The following FHOD3 variants were observed in gnomAD, a reference collection of about 807,000 sequenced individuals.
The protein encoded by FHOD3 is FH1/FH2 domain-containing protein 3.
A neutral mutation model predicts 173.0 loss-of-function variants in FHOD3; 90 were observed. The ratio of observed to expected loss-of-function variants is 0.52; its 90% CI spans 0.44 to 0.62. The LOEUF (loss-of-function observed/expected upper bound fraction) is 0.62, where lower values mean the gene tolerates loss of function less well. Ranked by LOEUF, FHOD3 falls within the 20% of genes least tolerant of loss-of-function variation. The pLI, the probability that FHOD3 is intolerant of heterozygous loss-of-function variation, is 0.00. For missense variants in FHOD3, 1,945 were observed against 2,034.7 expected (o/e 0.96, Z 0.85); for synonymous variants, 828 against 823.0 (o/e 1.01, Z -0.10).
intron 3 of FHOD3, among the ~76,000 whole-genome samples, chr18:36,457,431 G>A (rs897146288): frequency 6.6e-6 from 1 of 152,084 alleles, no homozygotes; most frequent in Non-Finnish European, 1.5e-5. Flanking sequence ...ATGGTACCAA[G>A]CTCTGTAGCA....
At chr18:36,677,634 G>A (rs1270893671) in intron 14 of FHOD3, among the ~76,000 whole-genome samples, 1 of 152,176 alleles carries the variant, frequency 6.6e-6, no homozygotes, top group Non-Finnish European at 1.5e-5. Flanking sequence ...AGACCACTTT[G>A]ACGGGCAATC....
intron 3 of FHOD3, among the ~76,000 whole-genome samples, chr18:36,429,121 T>A (rs2050400588): frequency 6.6e-6 from 1 of 152,068 alleles, no homozygotes; most frequent in African/African-American, 2.4e-5. Context: ...AAATTGAGGA[T>A]TGTTTTCCCC....
intron 7 of FHOD3, among the ~76,000 whole-genome samples, chr18:36,599,533 G>T (rs1453266438): frequency 2.0e-5 from 3 of 152,230 alleles, no homozygotes; most frequent in African/African-American, 7.2e-5. Context: ...CACATTGAGT[G>T]TGTTTATGTA....
At chr18:36,733,234 C>T (rs971684620) in intron 20 of FHOD3, among the ~76,000 whole-genome samples, 1 of 152,192 alleles carries the variant, frequency 6.6e-6, no homozygotes, top group Admixed American at 6.5e-5. Flanking sequence ...ATGCAACCCC[C>T]CTGGCCTTCC....
intron 10 of FHOD3, among the ~76,000 whole-genome samples, chr18:36,642,677 C>G (rs72895584): frequency 6.6e-6 from 1 of 150,998 alleles, no homozygotes; most frequent in Non-Finnish European, 1.5e-5. Context: ...ATTGTCATCA[C>G]TGGTCTTTGC....
intron 3 of FHOD3, among the ~76,000 whole-genome samples, chr18:36,453,261 A>G (rs1269085280): frequency 6.6e-6 from 1 of 152,192 alleles, no homozygotes; most frequent in African/African-American, 2.4e-5. Flanking sequence ...ATCTCTGGGT[A>G]TAAAAATTTC....
At chr18:36,569,389 T>C (rs529007816) in intron 5 of FHOD3, among the ~76,000 whole-genome samples, 1 of 152,288 alleles carries the variant, frequency 6.6e-6, no homozygotes, top group South Asian at 2.1e-4. Context: ...GCAGACATTA[T>C]AATGACAAAA....
Position 36,709,311 on chromosome 18 carries a change from C to G in FHOD3, c.2453C>G (p.Ser818Cys). The change falls in exon 18 of 29, where the codon TCT becomes TGT. Residue 818 changes from serine (S) to cysteine (C), a missense_variant. Transcript: ENST00000590592. ...NEGVNERDNC[S>C]ASSVSSSSST... is the part of the protein sequence containing the mutation. ...GGGGTGAACGAGAGGGACAACTGCT[C>G]TGCCTCCAGCGTCTCGTCCTCCAGC... 2 of 1,614,248 alleles carry G rather than the reference C, an allele frequency of 1.2e-6. No homozygotes were observed. Among genetic ancestry groups the G allele is most frequent in the Non-Finnish European group, 1.7e-6 (2 of 1,180,050 alleles).
Position 36,559,246 on chromosome 18 carries a change from A to G in FHOD3, c.512-17205A>G, listed in dbSNP as rs796339835. 3.3e-5 allele frequency among the ~76,000 whole-genome samples: 5 copies of G among 152,144 alleles called. No homozygotes were observed. In the South Asian group the frequency reaches 8.3e-4, roughly 25 times the overall value. On this transcript the variant is annotated intron_variant, in intron 5 of 28. Coordinates refer to ENST00000590592, the MANE Select transcript of FHOD3 (RefSeq NM_001281740.3). ...CTGTCCAGCGTTTGATCACCTTGCT[A>G]TTGAAAGACGACCCACAACTGACTA...
chr18:36,677,279 C>G (rs2037926369), intron 14 of FHOD3, among the ~76,000 whole-genome samples: 1 of 151,914 alleles, frequency 6.6e-6, no homozygotes, highest in Non-Finnish European at 1.5e-5. Flanking sequence ...CTGCCTCAGC[C>G]AGTAGCTGGG....
chr18:36,755,464 A>C lies in FHOD3; in HGVS notation c.4425+153A>C, dbSNP rs555609406. Among the ~76,000 whole-genome samples the C allele has an allele frequency of 1.2e-4, 17 of 145,016 alleles. 1 individual carries two copies. In the East Asian group the frequency reaches 1.6e-3, roughly 14 times the overall value. ...TATCTCTTTTAAAAAGTGCTCTTAAAGTACTCCTCCACCATTTCTGTGAAA... is the reference window on the plus strand; with the variant it reads ...TATCTCTTTTAAAAAGTGCTCTTAACGTACTCCTCCACCATTTCTGTGAAA... On this transcript the variant is annotated intron_variant, in intron 25 of 28. Transcript: ENST00000590592.
intron 28 of FHOD3, among the ~76,000 whole-genome samples, chr18:36,774,375 C>T (rs1248377300): frequency 6.6e-6 from 1 of 152,242 alleles, no homozygotes; most frequent in African/African-American, 2.4e-5. Flanking sequence ...CAGTGAACTT[C>T]ATCTTGGGTT....
At chr18:36,524,677 G>A (rs1352504574) in intron 5 of FHOD3, among the ~76,000 whole-genome samples, 2 of 152,180 alleles carry the variant, frequency 1.3e-5, no homozygotes, top group Admixed American at 1.3e-4. Context: ...GTCCACGCCT[G>A]TCTTTCTATC....
intron 4 of FHOD3, among the ~76,000 whole-genome samples, chr18:36,511,953 G>A (rs543380280): frequency 9.8e-5 from 15 of 152,348 alleles, no homozygotes; most frequent in Admixed American, 6.5e-4. Context: ...ACTGCTTCCT[G>A]TGGTTCTCAG....
chr18:36,557,620 A>G (rs1331675982), intron 5 of FHOD3, among the ~76,000 whole-genome samples: 1 of 152,210 alleles, frequency 6.6e-6, no homozygotes, highest in Admixed American at 6.5e-5. Context: ...AACTAGTTTC[A>G]TAATTTCCTA....
chr18:36,547,808 G>A (rs1319140095), intron 5 of FHOD3, among the ~76,000 whole-genome samples: 3 of 152,206 alleles, frequency 2.0e-5, no homozygotes, highest in African/African-American at 7.2e-5. Context: ...GTAGCCAGCT[G>A]CTTCGTGAGG....
At chr18:36,773,973 A>G (rs1480237412) in intron 28 of FHOD3, among the ~76,000 whole-genome samples, 1 of 152,238 alleles carries the variant, frequency 6.6e-6, no homozygotes. Flanking sequence ...GGGGAAAGGC[A>G]GTTTTGTCCT....
chr18:36,560,811 G>A (rs2058054850), intron 5 of FHOD3, among the ~76,000 whole-genome samples: 1 of 144,350 alleles, frequency 6.9e-6, no homozygotes. Context: ...TTGTGTGTGT[G>A]TGTAAAGAGC....
intron 9 of FHOD3, 142 bp downstream of exon 9, chr18:36,612,237 A>T (rs1161159970): frequency 8.2e-6 from 7 of 854,740 alleles, no homozygotes; most frequent in Non-Finnish European, 1.2e-5. Flanking sequence ...TTCACCCCAG[A>T]CCTACTGAAT....
Sources: gnomAD v4.1 joint callset for allele counts (sites outside exome capture counted in the v4.1 genomes callset) on GRCh38, gnomAD v4.1.1 for gene constraint, MANE v1.5 for transcripts, NCBI Gene and HGNC (gene_info 2026-07-23, HGNC 2026-07-21) for gene names.